CNTN5: variants seen among roughly 807,000 people sequenced by gnomAD.
CNTN5 encodes the protein contactin-5.
CNTN5 carries 77 observed loss-of-function variants against 129.1 expected under a neutral mutation model. That is an observed-to-expected ratio of 0.60 (90% CI 0.50 to 0.72). The LOEUF (loss-of-function observed/expected upper bound fraction) is 0.72. Ranked by LOEUF, CNTN5 falls within the 30% of genes least tolerant of loss-of-function variation. The pLI is 0.00. For missense variants in CNTN5, 1,478 were observed against 1,328.8 expected (o/e 1.11, Z -1.75); for synonymous variants, 509 against 465.6 (o/e 1.09, Z -1.20).
intron 3 of CNTN5, among the ~76,000 whole-genome samples, chr11:99,816,537 A>G (rs1946592732): frequency 2.0e-5 from 3 of 151,986 alleles, no homozygotes; most frequent in Admixed American, 2.0e-4. Context: ...CTGATTTTTC[A>G]CTTTTCTTTA....
intron 1 of CNTN5, among the ~76,000 whole-genome samples, chr11:99,282,784 A>G (rs1478121317): frequency 6.6e-6 from 1 of 152,034 alleles, no homozygotes; most frequent in African/African-American, 2.4e-5. Flanking sequence ...CCCTCAACAA[A>G]GGAAACCCCT....
At chr11:99,154,049 T>C (rs1042143863) in intron 1 of CNTN5, among the ~76,000 whole-genome samples, 1 of 152,124 alleles carries the variant, frequency 6.6e-6, no homozygotes, top group Non-Finnish European at 1.5e-5. Context: ...CCCCATCTGC[T>C]GACGAAAACA....
chr11:99,941,559 A>C (rs1950435828), intron 7 of CNTN5, among the ~76,000 whole-genome samples: 1 of 68,744 alleles, frequency 1.5e-5, no homozygotes. Context: ...ATAGAGGTAA[A>C]TACATAAGAC....
chr11:99,130,206 A>G (rs1437422648), intron 1 of CNTN5, among the ~76,000 whole-genome samples: 1 of 152,220 alleles, frequency 6.6e-6, no homozygotes, highest in East Asian at 1.9e-4. Context: ...AGCATGTTGT[A>G]TTCAAGAGAC....
intron 1 of CNTN5, among the ~76,000 whole-genome samples, chr11:99,200,479 T>G (rs574039995): frequency 3.3e-5 from 5 of 152,338 alleles, no homozygotes; most frequent in African/African-American, 9.6e-5. Context: ...ATAGACCAGT[T>G]CATTTTTGTA....
chr11:99,193,277 GA>G (rs1858737777), intron 1 of CNTN5, among the ~76,000 whole-genome samples: 2 of 151,848 alleles, frequency 1.3e-5, no homozygotes, highest in Admixed American at 1.3e-4. Flanking sequence ...AAATAAGAAA[GA>G]AAAAGCCACA....
At chr11:99,705,554 T>C (rs1201301803) in intron 3 of CNTN5, among the ~76,000 whole-genome samples, 2 of 151,464 alleles carry the variant, frequency 1.3e-5, no homozygotes, top group African/African-American at 2.4e-5. Flanking sequence ...AAGCAAGTAT[T>C]AGGCCTAATT....
intron 10 of CNTN5, among the ~76,000 whole-genome samples, chr11:100,070,015 A>G (rs1464973024): frequency 6.6e-6 from 1 of 152,146 alleles, no homozygotes; most frequent in African/African-American, 2.4e-5. Context: ...ATATATACAC[A>G]GAGAGATAGA....
chr11:99,050,277 A>C (rs1864374149), intron 1 of CNTN5, among the ~76,000 whole-genome samples: 1 of 152,108 alleles, frequency 6.6e-6, no homozygotes, highest in Non-Finnish European at 1.5e-5. Context: ...TTTACATAAT[A>C]TAATTTGAAA....
intron 2 of CNTN5, among the ~76,000 whole-genome samples, chr11:99,371,332 A>G (rs1939809788): frequency 6.6e-6 from 1 of 152,004 alleles, no homozygotes; most frequent in South Asian, 2.1e-4. Context: ...TATATATGAA[A>G]TAATTATACA....
At chr11:99,054,644 C>A (rs1864559416) in intron 1 of CNTN5, among the ~76,000 whole-genome samples, 1 of 151,670 alleles carries the variant, frequency 6.6e-6, no homozygotes, top group African/African-American at 2.4e-5. Context: ...TCCTTAAAAA[C>A]TTATCTTCTT....
At chr11:99,929,854 T>C (rs1950151960) in intron 7 of CNTN5, among the ~76,000 whole-genome samples, 1 of 152,186 alleles carries the variant, frequency 6.6e-6, no homozygotes, top group African/African-American at 2.4e-5. Flanking sequence ...TCCTCGATTC[T>C]TGTCCTGTTG....
At chr11:99,564,007 A>AT (rs1339366540) in intron 3 of CNTN5, among the ~76,000 whole-genome samples, 2 of 152,172 alleles carry the variant, frequency 1.3e-5, no homozygotes, top group Non-Finnish European at 2.9e-5. Context: ...ACGTGGGCTC[A>AT]TTTTTTACTC....
At chr11:99,317,357 A>T (rs1591514316) in intron 1 of CNTN5, among the ~76,000 whole-genome samples, 1 of 152,298 alleles carries the variant, frequency 6.6e-6, no homozygotes, top group African/African-American at 2.4e-5. Context: ...TTGAAGTTGG[A>T]TGGTATTCTT....
chr11:100,139,252 A>G (rs1946617709), intron 13 of CNTN5, among the ~76,000 whole-genome samples: 1 of 152,162 alleles, frequency 6.6e-6, no homozygotes, highest in Non-Finnish European at 1.5e-5. Flanking sequence ...TTAGCTCACC[A>G]TGGAATTTGT....
At chr11:99,945,490 G>A (rs1318905754) in intron 7 of CNTN5, among the ~76,000 whole-genome samples, 1 of 2,004 alleles carries the variant, frequency 5.0e-4, no homozygotes, top group African/African-American at 6.3e-4. Flanking sequence ...ACCTCTGTGC[G>A]TGTGTGTGTG....
chr11:99,341,155 G>T (rs182648011), intron 2 of CNTN5, among the ~76,000 whole-genome samples: 1 of 152,044 alleles, frequency 6.6e-6, no homozygotes, highest in South Asian at 2.1e-4. Context: ...CTGGAAGAGA[G>T]GCTTCTCTAT....
intron 4 of CNTN5, among the ~76,000 whole-genome samples, chr11:99,841,803 G>GTGT (rs10669012): frequency 0.28 from 24,717 of 89,316 alleles, 2,868 homozygotes; most frequent in East Asian, 0.58. Flanking sequence ...ATATATATGT[G>GTGT]GTGTGTGTGT....
intron 2 of CNTN5, among the ~76,000 whole-genome samples, chr11:99,436,061 T>C (rs984438391): frequency 6.6e-6 from 1 of 152,192 alleles, no homozygotes; most frequent in African/African-American, 2.4e-5. Flanking sequence ...TACTAATGCA[T>C]GATCTCATAT....
Sources: allele counts gnomAD v4.1 joint callset (sites outside exome capture counted in the v4.1 genomes callset), GRCh38; gene constraint gnomAD v4.1.1; transcripts MANE v1.5; gene names NCBI Gene and HGNC (gene_info 2026-07-23, HGNC 2026-07-21).